The following HS6ST3 variants were observed in gnomAD, a reference collection of about 807,000 sequenced individuals.
The protein encoded by HS6ST3 is heparan sulfate 6-O-sulfotransferase 3.
A neutral mutation model predicts 36.7 loss-of-function variants in HS6ST3; 12 were observed. That is an observed-to-expected ratio of 0.33 (90% CI 0.21 to 0.53). The LOEUF (loss-of-function observed/expected upper bound fraction) is 0.53, where lower values mean the gene tolerates loss of function less well. HS6ST3 is among the 20% of genes least tolerant of loss of function. The pLI, the probability that HS6ST3 is intolerant of heterozygous loss-of-function variation, is 0.95. For synonymous variants in HS6ST3, 240 were observed against 257.5 expected, an observed-to-expected ratio of 0.93 and a Z score of 0.65; for missense variants, 584 against 640.9, an observed-to-expected ratio of 0.91 and a Z score of 0.96.
rs976369316 is a variant in HS6ST3, at chr13:96,755,406, C to A, written c.708-77084C>A. Among the ~76,000 whole-genome samples, 6 of 151,824 alleles carry A rather than the reference C, an allele frequency of 4.0e-5. No individual in the cohort carries two copies. The East Asian group carries it at 9.6e-4, about 24-fold the overall frequency. On this transcript the variant is annotated intron_variant, in intron 1 of 1. Transcript: ENST00000376705. Reference sequence around the variant, plus strand: ...TTGAGACAGAGTCTCACTCTATCGCCCAGGCTGGAGTGCAATGGCATGGTC... The same window carrying A: ...TTGAGACAGAGTCTCACTCTATCGCACAGGCTGGAGTGCAATGGCATGGTC...
chr13:96,277,259 C>T (rs2054752972), intron 1 of HS6ST3, among the ~76,000 whole-genome samples: 1 of 152,180 alleles, frequency 6.6e-6, no homozygotes, highest in Non-Finnish European at 1.5e-5. Context: ...CTTCATGGAT[C>T]TAGCTTACCT....
chr13:96,331,823 A>C (rs1395550998), intron 1 of HS6ST3, among the ~76,000 whole-genome samples: 2 of 152,012 alleles, frequency 1.3e-5, no homozygotes, highest in Non-Finnish European at 2.9e-5. Context: ...CTGTGCTAGC[A>C]ATCAGCGAGA....
intron 1 of HS6ST3, among the ~76,000 whole-genome samples, chr13:96,283,826 G>A (rs893032552): frequency 6.6e-5 from 10 of 152,162 alleles, no homozygotes; most frequent in Middle Eastern, 3.4e-3. Flanking sequence ...GACGCAGTTC[G>A]TCCATAGCGG....
At chr13:96,134,603 A>T (rs1170480609) in intron 1 of HS6ST3, among the ~76,000 whole-genome samples, 2 of 151,944 alleles carry the variant, frequency 1.3e-5, no homozygotes, top group Non-Finnish European at 2.9e-5. Context: ...TTATTTATCT[A>T]TTGTTTTCCT....
intron 1 of HS6ST3, among the ~76,000 whole-genome samples, chr13:96,817,986 A>G (rs535573347): frequency 1.3e-5 from 2 of 152,322 alleles, no homozygotes; most frequent in Admixed American, 1.3e-4. Context: ...CTTAAAGATT[A>G]TTTTATCAGA....
At chr13:96,289,350 A>G (rs1392920887) in intron 1 of HS6ST3, among the ~76,000 whole-genome samples, 3 of 152,176 alleles carry the variant, frequency 2.0e-5, no homozygotes, top group Admixed American at 2.0e-4. Flanking sequence ...CTGTAAAACA[A>G]CTGTGATGAC....
intron 1 of HS6ST3, among the ~76,000 whole-genome samples, chr13:96,682,567 G>A (rs2056722159): frequency 6.6e-6 from 1 of 152,090 alleles, no homozygotes; most frequent in South Asian, 2.1e-4. Context: ...GAACACAGTG[G>A]ACTATGCCAT....
At chr13:96,584,659 C>G (rs1377658921) in intron 1 of HS6ST3, among the ~76,000 whole-genome samples, 1 of 152,184 alleles carries the variant, frequency 6.6e-6, no homozygotes, top group Non-Finnish European at 1.5e-5. Context: ...ATGAATAAGA[C>G]ATTATCCCTG....
chr13:96,528,555 C>A (rs931435179), intron 1 of HS6ST3, among the ~76,000 whole-genome samples: 1 of 152,022 alleles, frequency 6.6e-6, no homozygotes, highest in African/African-American at 2.4e-5. Flanking sequence ...ACTCAATGAA[C>A]CTATAGTTTC....
At chr13:96,530,376 G>C (rs1259685077) in intron 1 of HS6ST3, among the ~76,000 whole-genome samples, 5 of 152,174 alleles carry the variant, frequency 3.3e-5, no homozygotes, top group African/African-American at 1.2e-4. Context: ...CAGATTTGCA[G>C]TAGGTTCTGG....
At chr13:96,595,339 A>G (rs747668708) in intron 1 of HS6ST3, among the ~76,000 whole-genome samples, 9 of 152,146 alleles carry the variant, frequency 5.9e-5, no homozygotes, top group Non-Finnish European at 1.0e-4. Context: ...CTTTGAATTT[A>G]TCATCCCATT....
chr13:96,198,517 T>A (rs922327016), intron 1 of HS6ST3, among the ~76,000 whole-genome samples: 1 of 152,210 alleles, frequency 6.6e-6, no homozygotes, highest in African/African-American at 2.4e-5. Context: ...ACCCAAGTCA[T>A]CTCTTGAATG....
intron 1 of HS6ST3, among the ~76,000 whole-genome samples, chr13:96,680,675 C>A: frequency 6.6e-6 from 1 of 152,202 alleles, no homozygotes; most frequent in African/African-American, 2.4e-5. Flanking sequence ...CATGGACCAA[C>A]TTGTGAAGAA....
intron 1 of HS6ST3, among the ~76,000 whole-genome samples, chr13:96,684,105 A>G (rs183294332): frequency 3.3e-5 from 5 of 152,230 alleles, no homozygotes; most frequent in East Asian, 1.9e-4. Context: ...TTTCACACAT[A>G]TATGCATTGC....
chr13:96,836,756 AT>A lies in HS6ST3; in HGVS notation c.*3560del, dbSNP rs1453270385. On this transcript the variant is annotated 3_prime_UTR_variant, in exon 2 of 2. Transcript: ENST00000376705. ...TATAAATGGATTGGATAGAATTCCC[AT>A]TCAGCTGTTTTAACACAGAAATTCA... 2 of 152,250 alleles carry A rather than the reference AT, an allele frequency of 1.3e-5. No individual in the cohort carries two copies. The highest frequency in any genetic ancestry group is 1.3e-4 in the Admixed American group (2 of 15,288). The allele number at this position is 152,250 out of a possible 1,614,324, so 9.4% of individuals were successfully genotyped here.
chr13:96,107,953 G>A (rs1034819948), intron 1 of HS6ST3, among the ~76,000 whole-genome samples: 1 of 152,122 alleles, frequency 6.6e-6, no homozygotes, highest in Non-Finnish European at 1.5e-5. Context: ...TGTTCGTAAA[G>A]CATGTGTATT....
intron 1 of HS6ST3, among the ~76,000 whole-genome samples, chr13:96,815,366 A>C (rs1878397840): frequency 6.6e-6 from 1 of 152,078 alleles, no homozygotes; most frequent in Non-Finnish European, 1.5e-5. Context: ...CCTCACCTTA[A>C]CCTGATTTTC....
chr13:96,751,214 A>C (rs1876691666), intron 1 of HS6ST3, among the ~76,000 whole-genome samples: 1 of 152,160 alleles, frequency 6.6e-6, no homozygotes, highest in Non-Finnish European at 1.5e-5. Context: ...ATTTGGAAAT[A>C]GGGTCATTTC....
In HS6ST3 at chr13:96,735,813, T is replaced by G. The variant is rs553000898; in HGVS notation, c.708-96677T>G. On this transcript the variant is annotated intron_variant, in intron 1 of 1. Transcript: ENST00000376705. ...CAAAGATTCTCAGGCAACACAAAAC[T>G]CACCGTATGCTGTAGAAAAGGAAGA... 8.5e-5 allele frequency among the ~76,000 whole-genome samples: 13 copies of G among 152,254 alleles called. No individual in the cohort carries two copies. In the East Asian group the frequency reaches 2.3e-3, roughly 27 times the overall value.
Sources: gnomAD v4.1 joint callset for allele counts (sites outside exome capture counted in the v4.1 genomes callset) on GRCh38, gnomAD v4.1.1 for gene constraint, MANE v1.5 for transcripts, NCBI Gene and HGNC (gene_info 2026-07-23, HGNC 2026-07-21) for gene names.